MIA2: variants seen among roughly 807,000 people sequenced by gnomAD.
MIA2 encodes the protein MIA SH3 domain ER export factor 2.
MIA2 carries 127 observed loss-of-function variants against 167.8 expected under a neutral mutation model. The observed-to-expected ratio is 0.76, with a 90% confidence interval of 0.66 to 0.88. The LOEUF (loss-of-function observed/expected upper bound fraction) is 0.88, where lower values mean the gene tolerates loss of function less well. MIA2 is among the 40% of genes least tolerant of loss of function. The pLI, the probability that MIA2 is intolerant of heterozygous loss-of-function variation, is 0.00. For synonymous variants in MIA2, 552 were observed against 541.9 expected (o/e 1.02, Z -0.26); for missense variants, 1,690 against 1,624.7 (o/e 1.04, Z -0.69).
intron 9 of MIA2, among the ~76,000 whole-genome samples, chr14:39,285,708 G>A (rs1395362548): frequency 2.5e-5 from 1 of 39,284 alleles, no homozygotes; most frequent in Non-Finnish European, 5.9e-5. Flanking sequence ...GGGCGGAGAC[G>A]CTCCTCACTT....
chr14:39,319,751 G>T lies in MIA2; in HGVS notation c.3367+460G>T, dbSNP rs2066086007. 3.3e-5 allele frequency among the ~76,000 whole-genome samples: 5 copies of T among 152,160 alleles called. No homozygotes were observed. In the South Asian group the frequency reaches 1.0e-3, roughly 32 times the overall value. ...CAATTTAAAATGTGGGAAAAACTCA[G>T]TCTGAGGTTTGATTGCTTTAATTAC... On this transcript the variant is annotated intron_variant, in intron 23 of 28. Coordinates refer to ENST00000640607, the MANE Select transcript of MIA2 (RefSeq NM_001329214.4).
chr14:39,250,703 A>T (rs911141650), intron 4 of MIA2, among the ~76,000 whole-genome samples: 3 of 58,714 alleles, frequency 5.1e-5, no homozygotes, highest in African/African-American at 7.9e-5. Flanking sequence ...CTCAAAAAAA[A>T]ATATGCATAT....
intron 25 of MIA2, among the ~76,000 whole-genome samples, chr14:39,333,537 G>T (rs974722000): frequency 6.6e-6 from 1 of 152,154 alleles, no homozygotes; most frequent in Non-Finnish European, 1.5e-5. Context: ...CTTGGGCTCT[G>T]TGTACTTGTT....
intron 24 of MIA2, among the ~76,000 whole-genome samples, chr14:39,323,440 C>CT (rs1455617492): frequency 1.6e-4 from 25 of 151,846 alleles, no homozygotes; most frequent in African/African-American, 5.8e-4. Context: ...ACTTAGTTCT[C>CT]TAAGTCCACC....
chr14:39,275,643 A>G (rs997700954), intron 6 of MIA2, among the ~76,000 whole-genome samples: 4 of 152,236 alleles, frequency 2.6e-5, no homozygotes, highest in African/African-American at 7.2e-5. Flanking sequence ...TGTTGAATAC[A>G]TTAGCTAAAA....
intron 23 of MIA2, chr14:39,385,756 G>T (rs528446646): frequency 1.1e-6 from 1 of 879,652 alleles, no homozygotes; most frequent in South Asian, 1.3e-5. Flanking sequence ...GATAATAGTA[G>T]ATGAATTTGT....
At chr14:39,341,810 T>TA (rs1406102434) in intron 25 of MIA2, among the ~76,000 whole-genome samples, 1 of 152,156 alleles carries the variant, frequency 6.6e-6, no homozygotes, top group Non-Finnish European at 1.5e-5. Flanking sequence ...TACTATATTT[T>TA]TAATATAGTT....
intron 3 of MIA2, among the ~76,000 whole-genome samples, chr14:39,243,326 G>A (rs1037041794): frequency 3.3e-5 from 5 of 151,952 alleles, no homozygotes; most frequent in Admixed American, 6.6e-5. Context: ...TTGTATCTGG[G>A]GTACTGTAAC....
chr14:39,335,161 G>A (rs1336555841), intron 25 of MIA2, among the ~76,000 whole-genome samples: 1 of 152,112 alleles, frequency 6.6e-6, no homozygotes, highest in African/African-American at 2.4e-5. Flanking sequence ...TCTCTTTTAT[G>A]TAAGGTTGAC....
chr14:39,279,581 C>T (rs1315474492), intron 9 of MIA2, 44 bp downstream of exon 9: 1 of 1,254,204 alleles, frequency 8.0e-7, no homozygotes, highest in East Asian at 2.3e-5. Context: ...AGTCAGAGAA[C>T]TTTATACTTC....
intron 2 of MIA2, among the ~76,000 whole-genome samples, chr14:39,237,496 C>T (rs2053809516): frequency 6.6e-6 from 1 of 151,928 alleles, no homozygotes; most frequent in Non-Finnish European, 1.5e-5. Flanking sequence ...TATTAAGAAC[C>T]CTTAATGTAT....
chr14:39,264,917 T>G (rs117149156), intron 6 of MIA2, among the ~76,000 whole-genome samples: 1 of 152,224 alleles, frequency 6.6e-6, no homozygotes, highest in Admixed American at 6.5e-5. Flanking sequence ...TGTTCTAACA[T>G]CTGCTTTAAA....
chr14:39,262,828 G>C (rs899903261), intron 6 of MIA2, among the ~76,000 whole-genome samples: 2 of 152,074 alleles, frequency 1.3e-5, no homozygotes, highest in Non-Finnish European at 2.9e-5. Context: ...TCTGTTATTG[G>C]TGTATAAGAA....
At position 39,244,307 on chromosome 14, in the gene MIA2, G is replaced by A. The variant is rs142920331; in HGVS notation, c.337-2604G>A. ...TAGCCTCAGGGGAAAATGAGACTGA[G>A]AGGTGGAGAATAGGAGAAGGTCAGA... On this transcript the variant is annotated intron_variant, in intron 3 of 28. Coordinates refer to ENST00000640607, the MANE Select transcript of MIA2 (RefSeq NM_001329214.4). 3.9e-5 allele frequency among the ~76,000 whole-genome samples: 6 copies of A among 152,332 alleles called. No homozygotes were observed. The East Asian group carries it at 1.2e-3, about 29-fold the overall frequency.
chr14:39,242,656 T>C (rs1290114355), intron 3 of MIA2, among the ~76,000 whole-genome samples: 1 of 152,068 alleles, frequency 6.6e-6, no homozygotes, highest in Non-Finnish European at 1.5e-5. Context: ...GTTTTTTCTG[T>C]TGTTTACTGC....
intron 23 of MIA2, chr14:39,386,721 T>C: frequency 7.5e-7 from 1 of 1,338,178 alleles, no homozygotes; most frequent in Non-Finnish European, 1.1e-6. Context: ...CTTCTTTGAA[T>C]ATTTGTAATC....
At chr14:39,294,499 G>A (rs2061152757) in intron 12 of MIA2, among the ~76,000 whole-genome samples, 1 of 145,782 alleles carries the variant, frequency 6.9e-6, no homozygotes, top group Admixed American at 6.8e-5. Context: ...CACCCAGCTT[G>A]TATTTTTTTT....
At chr14:39,267,273 C>CGTA in intron 6 of MIA2, 1 of 1,439,918 alleles carries the variant, frequency 6.9e-7, no homozygotes, top group South Asian at 1.4e-5. Context: ...GGATGGGCAG[C>CGTA]GTAGGCCTGT....
chr14:39,352,381 CTT>C (rs1304203135), downstream of MIA2, among the ~76,000 whole-genome samples: 2 of 151,732 alleles, frequency 1.3e-5, no homozygotes, highest in Non-Finnish European at 2.9e-5. Flanking sequence ...TTTATCTTGT[CTT>C]TGGTTTTGTT....
Sources: gnomAD v4.1 joint callset for allele counts (sites outside exome capture counted in the v4.1 genomes callset) on GRCh38, gnomAD v4.1.1 for gene constraint, MANE v1.5 for transcripts, NCBI Gene and HGNC (gene_info 2026-07-23, HGNC 2026-07-21) for gene names.